The following CRTC1 variants were observed in gnomAD, a reference collection of about 807,000 sequenced individuals.
CRTC1 encodes CREB regulated transcription coactivator 1, also known as CREB-regulated transcription coactivator 1.
In CRTC1, 18 loss-of-function variants were observed where a neutral mutation model predicts 66.1. The observed-to-expected ratio is 0.27, with a 90% CI of 0.19 to 0.40. CRTC1 has a LOEUF of 0.40. Among genes scored for constraint, CRTC1 ranks in the 10% least tolerant of loss-of-function variants. The probability of loss-of-function intolerance (pLI) is 1.00; values close to 1 mark genes in which losing one functional copy is unlikely to be tolerated. For missense variants in CRTC1, 669 were observed against 887.9 expected, an observed-to-expected ratio of 0.75 and a Z score of 3.13; for synonymous variants, 416 against 398.8, an observed-to-expected ratio of 1.04 and a Z score of -0.51.
In CRTC1 at chr19:18,760,350, G is replaced by A; in HGVS notation, c.886+122G>A. Reference sequence around the variant, plus strand: ...TAGGGCATGGGGGACAGGGCTGGGGGGCGGCCGACAGGCTGACCCAGCGGG... The same window carrying A: ...TAGGGCATGGGGGACAGGGCTGGGGAGCGGCCGACAGGCTGACCCAGCGGG... On this transcript the variant is annotated intron_variant, in intron 8 of 13. Transcript: ENST00000321949. The surrounding 1 kb of genome is among the most constrained non-coding windows in gnomAD (Gnocchi z 6.2). 1 of 863,262 alleles carries A rather than the reference G, an allele frequency of 1.2e-6. No individual in the cohort carries two copies. 53.5% of individuals were successfully genotyped at this position (863,262 alleles called of 1,614,324 possible).
chr19:18,744,570 C>A (rs1310081328), intron 2 of CRTC1, among the ~76,000 whole-genome samples: 1 of 152,188 alleles, frequency 6.6e-6, no homozygotes, highest in Non-Finnish European at 1.5e-5. Flanking sequence ...CGTGGCGAGC[C>A]CGGGTGTGGC....
intron 9 of CRTC1, among the ~76,000 whole-genome samples, chr19:18,765,960 C>CAA (rs11443048): frequency 1.3e-5 from 2 of 149,348 alleles, no homozygotes; most frequent in African/African-American, 4.9e-5. Flanking sequence ...GACTCTGTTT[C>CAA]AAAAAAAAAG....
intron 1 of CRTC1, among the ~76,000 whole-genome samples, chr19:18,728,965 A>G (rs1374582956): frequency 1.4e-5 from 2 of 147,496 alleles, no homozygotes; most frequent in African/African-American, 5.0e-5. Context: ...GGTGCCTGCC[A>G]TCATGTCTGG....
intron 10 of CRTC1, among the ~76,000 whole-genome samples, chr19:18,769,479 G>A (rs539547022): frequency 6.6e-6 from 1 of 152,360 alleles, no homozygotes; most frequent in East Asian, 1.9e-4. Context: ...CCAGCCCCAG[G>A]CTAAATGTCC....
intron 1 of CRTC1, among the ~76,000 whole-genome samples, chr19:18,718,337 T>C (rs2053551872): frequency 6.6e-6 from 1 of 152,070 alleles, no homozygotes; most frequent in Admixed American, 6.6e-5. Context: ...GCTTCCTTCC[T>C]TTTTTGTTGT....
intron 1 of CRTC1, among the ~76,000 whole-genome samples, chr19:18,712,226 A>G (rs555898639): frequency 1.7e-4 from 25 of 151,366 alleles, no homozygotes; most frequent in African/African-American, 6.1e-4. Flanking sequence ...AATTAGAAGC[A>G]TGAGCCACTG....
chr19:18,756,099 C>T (rs1049885518), intron 6 of CRTC1, among the ~76,000 whole-genome samples: 3 of 151,830 alleles, frequency 2.0e-5, no homozygotes, highest in East Asian at 2.0e-4. Flanking sequence ...TTTGGGAGGC[C>T]GAGGCTGGTG....
Position 18,777,987 on chromosome 19 carries a change from G to GT in CRTC1, c.*605_*606insT, listed in dbSNP as rs2145879499. The GT allele has an allele frequency of 4.2e-6, 1 of 239,130 alleles. No homozygotes were observed. The highest frequency in any genetic ancestry group is 6.0e-5 in the East Asian group (1 of 16,560). The allele number at this position is 239,130 out of a possible 1,614,324, so 14.8% of individuals were successfully genotyped here. On this transcript the variant is annotated 3_prime_UTR_variant, in exon 14 of 14. Coordinates refer to ENST00000321949, the MANE Select transcript of CRTC1 (RefSeq NM_015321.3). This position sits in a 1 kb window ranked among gnomAD's most constrained non-coding sequence, Gnocchi z 5.5. ...TATTTCTGAGCACACACAGAGCCCT[G>GT]GCGTCCACCGGGGCAGGCGCAAAGT...
chr19:18,732,498 T>C (rs7258105), intron 1 of CRTC1, among the ~76,000 whole-genome samples: 2,816 of 152,362 alleles, frequency 0.018, 104 homozygotes, highest in African/African-American at 0.065. Flanking sequence ...TTCTGTCATT[T>C]AAGCTGCTTG....
intron 6 of CRTC1, among the ~76,000 whole-genome samples, chr19:18,757,860 C>CA (rs1342843234): frequency 6.8e-6 from 1 of 146,260 alleles, no homozygotes; most frequent in Non-Finnish European, 1.5e-5. Flanking sequence ...ACTAAAAATA[C>CA]AAAAAAAATT....
intron 1 of CRTC1, among the ~76,000 whole-genome samples, chr19:18,690,582 A>C (rs1280261941): frequency 6.6e-6 from 1 of 152,162 alleles, no homozygotes; most frequent in East Asian, 1.9e-4. Context: ...GGTGGCCCCT[A>C]AAAAGCATCT....
At chr19:18,747,588 G>A (rs902312654) in intron 4 of CRTC1, among the ~76,000 whole-genome samples, 1 of 152,066 alleles carries the variant, frequency 6.6e-6, no homozygotes, top group Non-Finnish European at 1.5e-5. Context: ...AGCCAAGATC[G>A]AGCCACTGCA....
chr19:18,714,439 C>G (rs912195018), intron 1 of CRTC1, among the ~76,000 whole-genome samples: 1 of 152,150 alleles, frequency 6.6e-6, no homozygotes, highest in Non-Finnish European at 1.5e-5. Context: ...TCCTGAGTAG[C>G]TGGGATTACA....
chr19:18,699,176 C>T (rs913436346), intron 1 of CRTC1, among the ~76,000 whole-genome samples: 1 of 152,198 alleles, frequency 6.6e-6, no homozygotes, highest in East Asian at 1.9e-4. Flanking sequence ...TCTGGAATCT[C>T]ATAGAAGCAG....
At chr19:18,707,160 T>C (rs907908347) in intron 1 of CRTC1, among the ~76,000 whole-genome samples, 1 of 152,210 alleles carries the variant, frequency 6.6e-6, no homozygotes, top group Non-Finnish European at 1.5e-5. Flanking sequence ...AAGAGTTTTA[T>C]AGTTTTAGTA....
rs2054594098 is a variant in CRTC1 at position 18,760,698 on chromosome 19, C to G, written c.886+470C>G. 6.6e-6 allele frequency among the ~76,000 whole-genome samples: 1 copy of G among 152,092 alleles called. No individual in the cohort carries two copies. Among genetic ancestry groups the G allele is most frequent in the Non-Finnish European group, 1.5e-5 (1 of 67,990 alleles). On this transcript the variant is annotated intron_variant, in intron 8 of 13. Transcript: ENST00000321949. This position sits in a 1 kb window ranked among gnomAD's most constrained non-coding sequence, Gnocchi z 6.2. The stretch of plus-strand genomic sequence containing the variant: ...GCTCCACACTCCTTTCTTCCTCAGC[C>G]ACATCCACAGGGACGTCGCACAGGC...
At position 18,778,296 on chromosome 19, in the gene CRTC1, T is replaced by C; in HGVS notation, c.*914T>C. On this transcript the variant is annotated 3_prime_UTR_variant, in exon 14 of 14. Transcript: ENST00000321949. The stretch of plus-strand genomic sequence containing the variant: ...CAGGGGAGTTTCATTGTGGTTTTTT[T>C]TTCCTTTTAGTTTCTAGTTACATTT... 1 of 233,230 alleles carries C rather than the reference T, an allele frequency of 4.3e-6. No individual in the cohort carries two copies. The allele number at this position is 233,230 out of a possible 1,614,324, so 14.4% of individuals were successfully genotyped here. A position where few individuals can be genotyped will look rare whatever the true frequency, so the allele number is the denominator to read the frequency against.
rs117161316 is a variant in CRTC1, at chr19:18,739,212, A to G, written c.127-3698A>G. On this transcript the variant is annotated intron_variant, in intron 1 of 13. Transcript: ENST00000321949. The stretch of plus-strand genomic sequence containing the variant: ...GCCCCGCTTGTTGACAGCCATGGGG[A>G]TGGTGTGGAGATGGGACACCTGAGT... 6.6e-3 allele frequency among the ~76,000 whole-genome samples: 998 copies of G among 152,222 alleles called. 11 individuals carry two copies. Among genetic ancestry groups the G allele is most frequent in the Non-Finnish European group, 8.6e-3 (584 of 67,990 alleles).
In CRTC1 at chr19:18,780,449, C is replaced by T. The variant is rs1289511996; in HGVS notation, c.*3067C>T. The T allele has an allele frequency of 4.3e-6, 1 of 231,892 alleles. No individual in the cohort carries two copies. The highest frequency in any genetic ancestry group is 8.5e-6 in the Non-Finnish European group (1 of 117,232). 14.4% of individuals were successfully genotyped at this position (231,892 alleles called of 1,614,324 possible). On this transcript the variant is annotated 3_prime_UTR_variant, in exon 14 of 14. Transcript: ENST00000321949. ...AGAGAAGAGGGTTCTTTGCCCTCATCAGGGCCCTGCTTGTGGGTTTTCGGC... is the reference window on the plus strand; with the variant it reads ...AGAGAAGAGGGTTCTTTGCCCTCATTAGGGCCCTGCTTGTGGGTTTTCGGC...
Sources: allele counts gnomAD v4.1 joint callset (sites outside exome capture counted in the v4.1 genomes callset), GRCh38; gene constraint gnomAD v4.1.1; non-coding constraint Gnocchi (gnomAD v3.1); transcripts MANE v1.5; gene names NCBI Gene and HGNC (gene_info 2026-07-23, HGNC 2026-07-21).